The following PPARGC1A variants were observed in gnomAD, a reference collection of about 807,000 sequenced individuals.
PPARGC1A encodes peroxisome proliferator-activated receptor gamma coactivator 1-alpha.
PPARGC1A carries 25 observed loss-of-function variants against 88.7 expected under a neutral mutation model. The ratio of observed to expected loss-of-function variants is 0.28; its 90% CI spans 0.21 to 0.39. The LOEUF is 0.39. Ranked by LOEUF, PPARGC1A falls within the 10% of genes least tolerant of loss-of-function variation. The probability of loss-of-function intolerance (pLI) is 1.00; values close to 1 mark genes in which losing one functional copy is unlikely to be tolerated. For missense variants in PPARGC1A, 880 were observed against 968.7 expected, an observed-to-expected ratio of 0.91 and a Z score of 1.22; for synonymous variants, 363 against 355.6, an observed-to-expected ratio of 1.02 and a Z score of -0.24.
At chr4:24,067,578 C>T in the PPARGC1A span, among the ~76,000 whole-genome samples, 1 of 152,178 alleles carries the variant, frequency 6.6e-6, no homozygotes. Context: ...ATGCAAGCAT[C>T]GCACGTGGCC....
the PPARGC1A span, among the ~76,000 whole-genome samples, chr4:24,156,908 T>C: frequency 6.6e-6 from 1 of 152,182 alleles, no homozygotes; most frequent in African/African-American, 2.4e-5. Flanking sequence ...CAAAATGGCA[T>C]TGTTACCCAA....
rs1396847696 is a variant in PPARGC1A at position 23,842,630 on chromosome 4, G to A, written c.235-10879C>T. ...TTTTAGAATGCTTAACAGCATCCCT[G>A]GCCTCTACTCACTAGATGCCAGTAG... On this transcript the variant is annotated intron_variant, in intron 2 of 12. Transcript: ENST00000264867. Among the ~76,000 whole-genome samples the A allele has an allele frequency of 2.0e-5, 3 of 151,978 alleles. 1 individual carries two copies.
the PPARGC1A span, among the ~76,000 whole-genome samples, chr4:24,388,362 A>G: frequency 6.6e-6 from 1 of 152,236 alleles, no homozygotes; most frequent in Non-Finnish European, 1.5e-5. Context: ...ACACTTTTAC[A>G]TCGTTGGTGG....
chr4:23,984,438 G>A, the PPARGC1A span, among the ~76,000 whole-genome samples: 1 of 152,068 alleles, frequency 6.6e-6, no homozygotes, highest in East Asian at 1.9e-4. Flanking sequence ...TGGGGATAAA[G>A]ATTGTGTCCG....
At chr4:24,372,133 A>C in the PPARGC1A span, among the ~76,000 whole-genome samples, 1 of 152,134 alleles carries the variant, frequency 6.6e-6, no homozygotes, top group African/African-American at 2.4e-5. Flanking sequence ...TTCACCCCAG[A>C]CAGCCACTAA....
the PPARGC1A span, among the ~76,000 whole-genome samples, chr4:24,008,561 G>A: frequency 6.6e-6 from 1 of 152,130 alleles, no homozygotes; most frequent in Non-Finnish European, 1.5e-5. Flanking sequence ...CCCTAGGTAA[G>A]CACAGTTTAC....
chr4:24,387,874 A>G, the PPARGC1A span, among the ~76,000 whole-genome samples: 31 of 99,074 alleles, frequency 3.1e-4, 1 homozygote, highest in African/African-American at 1.0e-3. Context: ...GAAAGGAAGA[A>G]AGAGAAAGAA....
the PPARGC1A span, among the ~76,000 whole-genome samples, chr4:24,174,892 G>A: frequency 6.6e-6 from 1 of 152,198 alleles, no homozygotes; most frequent in Non-Finnish European, 1.5e-5. Context: ...GTCACTGGCT[G>A]GAAATGGTGC....
intron 12 of PPARGC1A, among the ~76,000 whole-genome samples, chr4:23,799,053 T>C (rs1249289325): frequency 6.6e-6 from 1 of 152,192 alleles, no homozygotes; most frequent in Non-Finnish European, 1.5e-5. Context: ...AACTTTCCTG[T>C]CTTGGTAAAA....
At chr4:24,137,242 C>T in the PPARGC1A span, among the ~76,000 whole-genome samples, 1 of 151,238 alleles carries the variant, frequency 6.6e-6, no homozygotes, top group Non-Finnish European at 1.5e-5. Context: ...CATGGGAAGA[C>T]ACAGGGAGAA....
chr4:24,334,106 G>A, the PPARGC1A span, among the ~76,000 whole-genome samples: 2 of 151,914 alleles, frequency 1.3e-5, no homozygotes, highest in South Asian at 4.2e-4. Flanking sequence ...GGAGTTCTGG[G>A]GTAGTGTCTG....
chr4:24,429,732 A>C, the PPARGC1A span, among the ~76,000 whole-genome samples: 2 of 149,302 alleles, frequency 1.3e-5, no homozygotes, highest in East Asian at 3.9e-4. Context: ...GCTCACTGTA[A>C]TCTCTGCATC....
chr4:23,901,163 C>G (rs1194304544), upstream of PPARGC1A, among the ~76,000 whole-genome samples: 1 of 152,018 alleles, frequency 6.6e-6, no homozygotes, highest in East Asian at 1.9e-4. Context: ...GTCAGGAGAT[C>G]GAGACCATCC....
the PPARGC1A span, among the ~76,000 whole-genome samples, chr4:24,087,181 C>A: frequency 2.0e-5 from 3 of 152,178 alleles, no homozygotes; most frequent in Non-Finnish European, 2.9e-5. Context: ...AGATGATAAC[C>A]ATTGCTCCTC....
chr4:23,941,638 T>C, the PPARGC1A span, among the ~76,000 whole-genome samples: 8 of 152,280 alleles, frequency 5.3e-5, no homozygotes, highest in East Asian at 1.4e-3. Context: ...AGAGGGCACC[T>C]AGTGTTGCTT....
At chr4:24,104,959 T>C in the PPARGC1A span, among the ~76,000 whole-genome samples, 2 of 152,316 alleles carry the variant, frequency 1.3e-5, no homozygotes, top group Admixed American at 1.3e-4. Context: ...AAAATGGGGA[T>C]CATACTTCAC....
At chr4:23,803,795 C>T (rs912541776) in intron 10 of PPARGC1A, among the ~76,000 whole-genome samples, 1 of 152,340 alleles carries the variant, frequency 6.6e-6, no homozygotes, top group East Asian at 1.9e-4. Context: ...ACAGACTTAG[C>T]TTGCCCAAGA....
chr4:24,395,750 G>T, the PPARGC1A span, among the ~76,000 whole-genome samples: 35 of 152,026 alleles, frequency 2.3e-4, no homozygotes, highest in African/African-American at 8.5e-4. Context: ...TCCAACTCAC[G>T]GAAGAGGAAG....
the PPARGC1A span, among the ~76,000 whole-genome samples, chr4:24,208,708 T>C: frequency 9.4e-5 from 14 of 148,638 alleles, no homozygotes; most frequent in Non-Finnish European, 1.3e-4. Flanking sequence ...TATATTCATA[T>C]TTATATTATA....
Sources: gnomAD v4.1 joint callset for allele counts (sites outside exome capture counted in the v4.1 genomes callset) on GRCh38, gnomAD v4.1.1 for gene constraint, MANE v1.5 for transcripts, NCBI Gene and HGNC (gene_info 2026-07-23, HGNC 2026-07-21) for gene names.